CDIN1: variants seen among roughly 807,000 people sequenced by gnomAD.
The protein encoded by CDIN1 is CDAN1-interacting nuclease 1.
Under a neutral mutation model 45.3 loss-of-function variants are expected in CDIN1, and 33 were observed. That is an observed-to-expected ratio of 0.73 (90% CI 0.55 to 0.97). The LOEUF (loss-of-function observed/expected upper bound fraction) is 0.97. Among genes scored for constraint, CDIN1 ranks in the 50% least tolerant of loss-of-function variants. The pLI is 0.00. For synonymous variants in CDIN1, 118 were observed against 124.4 expected (o/e 0.95, Z 0.34); for missense variants, 303 against 339.4 (o/e 0.89, Z 0.84).
chr15:36,793,869 G>C (rs74008787), intron 10 of CDIN1, among the ~76,000 whole-genome samples: 2,614 of 152,034 alleles, frequency 0.017, 73 homozygotes, highest in African/African-American at 0.06. Context: ...ATGCTTTTCC[G>C]TGTTCTTTTT....
In CDIN1 at chr15:36,654,154, A is replaced by G. The variant is rs1260103785; in HGVS notation, c.269A>G (p.Asn90Ser). The G allele has an allele frequency of 3.8e-6, 6 of 1,568,166 alleles. No homozygotes were observed. Among genetic ancestry groups the G allele is most frequent in the East Asian group, 2.3e-5 (1 of 43,094 alleles). The change falls in exon 4 of 11, where the codon AAT becomes AGT. Residue 90 changes from asparagine (N) to serine (S), a missense_variant. Transcript: ENST00000566621. ...GAAPVLLDLA[N>S]EVDYAPSLMA... ...GCCCCAGTGCTCCTGGACCTGGCCAATGAGGTAATGTTATTGTTATGATTT... is the reference window on the plus strand; with the variant it reads ...GCCCCAGTGCTCCTGGACCTGGCCAGTGAGGTAATGTTATTGTTATGATTT...
Position 36,645,227 on chromosome 15 carries a change from A to T in CDIN1, c.152A>T (p.His51Leu). The T allele has an allele frequency of 6.4e-7, 1 of 1,551,608 alleles. No individual in the cohort carries two copies. Among genetic ancestry groups the T allele is most frequent in the Admixed American group, 2.0e-5 (1 of 51,094 alleles). Residue 51 changes from histidine to leucine, a missense_variant, in exon 3 of 11, where the codon CAC becomes CTC. By Grantham distance (99) the His-to-Leu change is moderately conservative. Coordinates refer to ENST00000566621, the MANE Select transcript of CDIN1 (RefSeq NM_001321759.2). Reference protein sequence around the residue: ...LSIFSQEYQKHIKRTHAKHHT... With the variant: ...LSIFSQEYQKLIKRTHAKHHT... ...TTGTTGTTTTTTTTCTTTCAGAAACACATTAAAAGAACACATGCCAAACAT... is the reference window on the plus strand; with the variant it reads ...TTGTTGTTTTTTTTCTTTCAGAAACTCATTAAAAGAACACATGCCAAACAT...
At chr15:36,580,325 C>G (rs2036984028) in intron 1 of CDIN1, among the ~76,000 whole-genome samples, 1 of 152,094 alleles carries the variant, frequency 6.6e-6, no homozygotes, top group African/African-American at 2.4e-5. Context: ...ATTGTAGATT[C>G]GAAAGGAGCA....
intron 10 of CDIN1, among the ~76,000 whole-genome samples, chr15:36,720,152 T>A (rs2140876016): frequency 6.6e-6 from 1 of 151,042 alleles, no homozygotes; most frequent in Admixed American, 6.6e-5. Flanking sequence ...TAATTTCTGT[T>A]TAGTTTGCTC....
intron 10 of CDIN1, among the ~76,000 whole-genome samples, chr15:36,778,158 T>C (rs1763036349): frequency 6.6e-6 from 1 of 152,182 alleles, no homozygotes. Flanking sequence ...TTAGGGTTGT[T>C]GGCTTTGTCA....
intron 1 of CDIN1, among the ~76,000 whole-genome samples, chr15:36,638,075 C>T (rs1020699448): frequency 2.0e-5 from 3 of 152,004 alleles, no homozygotes; most frequent in South Asian, 2.1e-4. Context: ...ATTTGTTCCA[C>T]GTGGGTTTTT....
intron 1 of CDIN1, among the ~76,000 whole-genome samples, chr15:36,623,064 T>A (rs1365645690): frequency 6.6e-6 from 1 of 152,166 alleles, no homozygotes; most frequent in Non-Finnish European, 1.5e-5. Flanking sequence ...AAATTTTGCA[T>A]TTTTTTAGGG....
Position 36,592,703 on chromosome 15 carries a change from A to G in CDIN1, c.101+12742A>G, listed in dbSNP as rs74611929. On this transcript the variant is annotated intron_variant, in intron 1 of 10. Transcript: ENST00000566621. Reference sequence around the variant, plus strand: ...GAGTACCTAGTATATTGTAAGTATTATGGTACATTCATAATGGACATTTGA... The same window carrying G: ...GAGTACCTAGTATATTGTAAGTATTGTGGTACATTCATAATGGACATTTGA... Among the ~76,000 whole-genome samples the G allele has an allele frequency of 1.0e-3, 152 of 152,230 alleles. 1 individual carries two copies. In the East Asian group the frequency reaches 0.024, roughly 24 times the overall value.
chr15:36,739,112 G>T (rs180779354), intron 10 of CDIN1, among the ~76,000 whole-genome samples: 2 of 152,310 alleles, frequency 1.3e-5, no homozygotes, highest in Non-Finnish European at 1.5e-5. Context: ...AGAAAACAAG[G>T]CTGGGTGCAG....
chr15:36,661,318 G>A (rs1198081412), intron 5 of CDIN1, among the ~76,000 whole-genome samples: 1 of 152,056 alleles, frequency 6.6e-6, no homozygotes. Flanking sequence ...CAATCCAAGT[G>A]ATTGAACCCT....
chr15:36,591,617 G>A (rs1271083248), intron 1 of CDIN1, among the ~76,000 whole-genome samples: 1 of 152,136 alleles, frequency 6.6e-6, no homozygotes, highest in East Asian at 1.9e-4. Flanking sequence ...TTTGCATGTT[G>A]GTGGGTGCAC....
At chr15:36,669,852 G>T (rs1432489537) in intron 5 of CDIN1, among the ~76,000 whole-genome samples, 2 of 152,070 alleles carry the variant, frequency 1.3e-5, no homozygotes, top group Non-Finnish European at 1.5e-5. Flanking sequence ...GGGGTATGTG[G>T]TATCAACATG....
At chr15:36,689,987 A>G (rs2042185196) in intron 5 of CDIN1, among the ~76,000 whole-genome samples, 1 of 152,216 alleles carries the variant, frequency 6.6e-6, no homozygotes, top group Non-Finnish European at 1.5e-5. Flanking sequence ...TTGGGAAGCT[A>G]TGTAACTTGC....
At chr15:36,592,119 A>G (rs951043531) in intron 1 of CDIN1, among the ~76,000 whole-genome samples, 18 of 152,056 alleles carry the variant, frequency 1.2e-4, no homozygotes, top group Admixed American at 5.2e-4. Context: ...TGAGTTTTAA[A>G]TGTTGTCAAT....
rs544252260 is a variant in CDIN1 at position 36,762,041 on chromosome 15, G to T, written c.717-46283G>T. Among the ~76,000 whole-genome samples, 3 of 152,238 alleles carry T rather than the reference G, an allele frequency of 2.0e-5. No homozygotes were observed. The East Asian group carries it at 5.8e-4, about 29-fold the overall frequency. ...TTGCAGGCAGAATGTGGCAATTCTAGAATATCAGTAGGACCAACCTTGGTT... is the reference window on the plus strand; with the variant it reads ...TTGCAGGCAGAATGTGGCAATTCTATAATATCAGTAGGACCAACCTTGGTT... On this transcript the variant is annotated intron_variant, in intron 10 of 10. Transcript: ENST00000566621.
intron 10 of CDIN1, among the ~76,000 whole-genome samples, chr15:36,783,211 C>G (rs576594451): frequency 6.6e-6 from 1 of 152,152 alleles, no homozygotes; most frequent in African/African-American, 2.4e-5. Flanking sequence ...GTGCACTTTT[C>G]TTGCTAGAAA....
intron 10 of CDIN1, among the ~76,000 whole-genome samples, chr15:36,744,670 A>C (rs1395681020): frequency 6.6e-6 from 1 of 152,196 alleles, no homozygotes; most frequent in African/African-American, 2.4e-5. Context: ...CCTGTGATAA[A>C]ATAAATCTCT....
At chr15:36,658,098 T>A (rs1420302683) in intron 5 of CDIN1, among the ~76,000 whole-genome samples, 193 bp downstream of exon 5, 1 of 152,184 alleles carries the variant, frequency 6.6e-6, no homozygotes, top group Non-Finnish European at 1.5e-5. Context: ...CTCTCTTCTT[T>A]GTCTAAATTC....
intron 10 of CDIN1, among the ~76,000 whole-genome samples, chr15:36,777,312 C>T (rs1167790605): frequency 6.6e-6 from 1 of 151,950 alleles, no homozygotes; most frequent in African/African-American, 2.4e-5. Context: ...TAAATCTCTG[C>T]ACCCACACAC....
Sources: allele counts gnomAD v4.1 joint callset (sites outside exome capture counted in the v4.1 genomes callset), GRCh38; gene constraint gnomAD v4.1.1; transcripts MANE v1.5; gene names NCBI Gene and HGNC (gene_info 2026-07-23, HGNC 2026-07-21).